PCDHGB1: variants seen among roughly 807,000 people sequenced by gnomAD.
The protein encoded by PCDHGB1 is protocadherin gamma-B1.
Under a neutral mutation model 56.6 loss-of-function variants are expected in PCDHGB1, and 34 were observed. That is an observed-to-expected ratio of 0.60 (90% CI 0.46 to 0.80). The LOEUF (loss-of-function observed/expected upper bound fraction) is 0.80. PCDHGB1 is among the 30% of genes least tolerant of loss of function. The pLI is 0.00. For missense variants in PCDHGB1, 1,278 were observed against 1,204.6 expected (o/e 1.06, Z -0.90); for synonymous variants, 561 against 505.9 (o/e 1.11, Z -1.46).
Position 141,476,369 on chromosome 5 carries a change from G to A in PCDHGB1, c.2410-18438G>A, listed in dbSNP as rs1178923246. 1.9e-6 allele frequency: 3 copies of A among 1,614,098 alleles called. No homozygotes were observed. The African/African-American group carries it at 4.0e-5, about 22-fold the overall frequency. ...CTTTGAGGTGAACCGGGAGACCGGA[G>A]AGATGTTTGTGAACGACCGTCTGGA... On this transcript the variant is annotated intron_variant, in intron 1 of 3. Transcript: ENST00000523390. This position sits in a 1 kb window ranked among gnomAD's most constrained non-coding sequence, Gnocchi z 7.6.
chr5:141,456,263 T>C (rs2098847567), intron 1 of PCDHGB1, among the ~76,000 whole-genome samples: 2 of 152,292 alleles, frequency 1.3e-5, no homozygotes, highest in South Asian at 2.1e-4. Flanking sequence ...CCATTGCTTC[T>C]GGCTACTTCC....
Position 141,376,431 on chromosome 5 carries a change from A to T in PCDHGB1, c.2409+23762A>T, listed in dbSNP as rs372723180. On this transcript the variant is annotated intron_variant, in intron 1 of 3. Coordinates refer to ENST00000523390, the MANE Select transcript of PCDHGB1 (RefSeq NM_018922.3). ...TATGCCGACACGCTTATCAACCAGG[A>T]GAGCTATGAGAAAAGCGAGCCTCTT... The T allele has an allele frequency of 9.0e-5, 145 of 1,614,074 alleles. No homozygotes were observed. The highest frequency in any genetic ancestry group is 1.2e-4 in the Non-Finnish European group (143 of 1,180,046).
intron 1 of PCDHGB1, chr5:141,408,965 C>A: frequency 3.1e-6 from 5 of 1,613,806 alleles, no homozygotes; most frequent in Non-Finnish European, 4.2e-6. Flanking sequence ...TAGTGAAAAT[C>A]TGCCCCCTGG....
At chr5:141,423,022 T>C in intron 1 of PCDHGB1, 1 of 1,614,194 alleles carries the variant, frequency 6.2e-7, no homozygotes, top group Non-Finnish European at 8.5e-7. Flanking sequence ...GGACAAAGAT[T>C]CAGGCCAGAA....
At chr5:141,488,213 C>T (rs1261280988) in intron 1 of PCDHGB1, among the ~76,000 whole-genome samples, 1 of 152,118 alleles carries the variant, frequency 6.6e-6, no homozygotes, top group Non-Finnish European at 1.5e-5. Context: ...CATATCAAGT[C>T]CCTACTGGGG....
rs201006002 is a variant in PCDHGB1, at chr5:141,432,497, C to G, written c.2410-62310C>G. Reference sequence around the variant, plus strand: ...TTCCACTGGCGTGGAGCTGGCTCCCCGCTCCGCAGAGCCCGGCTACCTGGT... The same window carrying G: ...TTCCACTGGCGTGGAGCTGGCTCCCGGCTCCGCAGAGCCCGGCTACCTGGT... On this transcript the variant is annotated intron_variant, in intron 1 of 3. Transcript: ENST00000523390. This position sits in a 1 kb window ranked among gnomAD's most constrained non-coding sequence, Gnocchi z 6.0. The G allele has an allele frequency of 1.1e-5, 18 of 1,614,182 alleles. No homozygotes were observed. In the East Asian group the frequency reaches 4.0e-4, roughly 36 times the overall value.
chr5:141,453,752 T>C (rs1404363977), intron 1 of PCDHGB1, among the ~76,000 whole-genome samples: 10 of 152,364 alleles, frequency 6.6e-5, no homozygotes, highest in Admixed American at 5.9e-4. Flanking sequence ...AACATAAGTC[T>C]CCTAAAAATA....
At chr5:141,376,310 G>T in intron 1 of PCDHGB1, 1 of 1,613,946 alleles carries the variant, frequency 6.2e-7, no homozygotes, top group Non-Finnish European at 8.5e-7. Context: ...CTTTGTGGGC[G>T]TGGAAGGGGT....
chr5:141,381,725 G>T (rs568567698), intron 1 of PCDHGB1, among the ~76,000 whole-genome samples: 1 of 151,768 alleles, frequency 6.6e-6, no homozygotes, highest in Admixed American at 6.6e-5. Flanking sequence ...AAGACTGGGA[G>T]TGAGAATATT....
At chr5:141,460,724 A>C (rs1294708205) in intron 1 of PCDHGB1, among the ~76,000 whole-genome samples, 1 of 152,114 alleles carries the variant, frequency 6.6e-6, no homozygotes, top group African/African-American at 2.4e-5. Context: ...TGTTATAAGC[A>C]TATATACACA....
chr5:141,384,959 A>G (rs771197511), intron 1 of PCDHGB1: 2 of 1,613,600 alleles, frequency 1.2e-6, no homozygotes, highest in Admixed American at 1.7e-5. Flanking sequence ...CCTTACAACT[A>G]TGACCTCACG....
At chr5:141,423,264 C>G (rs1452323474) in intron 1 of PCDHGB1, 1 of 1,613,986 alleles carries the variant, frequency 6.2e-7, no homozygotes. Flanking sequence ...TCGGCAGCCT[C>G]GAGTCTCTGG....
intron 1 of PCDHGB1, among the ~76,000 whole-genome samples, chr5:141,483,611 A>G (rs2099583566): frequency 6.6e-6 from 1 of 151,952 alleles, no homozygotes; most frequent in South Asian, 2.1e-4. Context: ...TTACACCTCC[A>G]TCATTCCCAT....
rs2098995125 is a variant in PCDHGB1 at position 141,460,673 on chromosome 5, A to G, written c.2410-34134A>G. 2.6e-5 allele frequency among the ~76,000 whole-genome samples: 4 copies of G among 152,244 alleles called. No homozygotes were observed. The South Asian group carries it at 8.3e-4, about 32-fold the overall frequency. On this transcript the variant is annotated intron_variant, in intron 1 of 3. Coordinates refer to ENST00000523390, the MANE Select transcript of PCDHGB1 (RefSeq NM_018922.3). ...CATATGTAACTGTAAACACAGTTAT[A>G]TATCTATATATCCACCAACAGTTGA... is the stretch of plus-strand genomic sequence containing the variant.
intron 1 of PCDHGB1, chr5:141,409,193 TGTAAA>T (rs2095239502): frequency 1.2e-6 from 2 of 1,613,988 alleles, no homozygotes; most frequent in African/African-American, 1.3e-5. Context: ...CTCTACCCAG[TGTAAA>T]GTAATCATAG....
In PCDHGB1 at chr5:141,476,034, C is replaced by G. The variant is rs934044974; in HGVS notation, c.2410-18773C>G. On this transcript the variant is annotated intron_variant, in intron 1 of 3. Transcript: ENST00000523390. This position sits in a 1 kb window ranked among gnomAD's most constrained non-coding sequence, Gnocchi z 7.6. ...CCATGTCGGACTCGGCGCCCAGCGC[C>G]CAAGCGCTAACCCGCTGAAAGTTTC... The G allele has an allele frequency of 2.0e-6, 3 of 1,464,488 alleles. No homozygotes were observed. Among genetic ancestry groups the G allele is most frequent in the Non-Finnish European group, 2.7e-6 (3 of 1,100,656 alleles). 90.7% of individuals were successfully genotyped at this position (1,464,488 alleles called of 1,614,324 possible). A position where few individuals can be genotyped will look rare whatever the true frequency, so the allele number is the denominator to read the frequency against.
rs2095932484 is a variant in PCDHGB1, at chr5:141,415,751, T to TG, written c.2409+63082_2409+63083insG. 3.8e-6 allele frequency: 5 copies of TG among 1,328,726 alleles called. No homozygotes were observed. The African/African-American group carries it at 9.4e-5, about 25-fold the overall frequency. The allele number at this position is 1,328,726 out of a possible 1,614,324, so 82.3% of individuals were successfully genotyped here. On this transcript the variant is annotated intron_variant, in intron 1 of 3. Transcript: ENST00000523390. ...TGATGTTTATTAAGGTTTTTTTTTT[T>TG]TTTTTTTTTTTTTTTTTTTTTACTT... is the stretch of plus-strand genomic sequence containing the variant.
chr5:141,352,309 A>C lies in PCDHGB1; in HGVS notation c.2049A>C (p.Glu683Asp). The change falls in exon 1 of 4, where the codon GAA (glutamate) becomes GAC (aspartate). Residue 683 changes from glutamate (E) to aspartate (D), a missense_variant. Physicochemically the swap from Glu to Asp is conservative, Grantham distance 45. Transcript: ENST00000523390. ...CTGAGCCCTCTGACCCCCAGACGGA[A>C]CTGCAGTTTTACCTGGTTGTGGCCT... ...DRPEPSDPQT[E>D]LQFYLVVALA... The C allele has an allele frequency of 6.2e-7, 1 of 1,613,958 alleles. No individual in the cohort carries two copies. The highest frequency in any genetic ancestry group is 2.2e-5 in the East Asian group (1 of 44,864).
intron 1 of PCDHGB1, chr5:141,422,184 A>T: frequency 6.4e-7 from 1 of 1,561,838 alleles, no homozygotes; most frequent in Non-Finnish European, 8.6e-7. Context: ...ATGAGATGGA[A>T]ATTCAAGGCC....
Sources: allele counts gnomAD v4.1 joint callset (sites outside exome capture counted in the v4.1 genomes callset), GRCh38; gene constraint gnomAD v4.1.1; non-coding constraint Gnocchi (gnomAD v3.1); transcripts MANE v1.5; gene names NCBI Gene and HGNC (gene_info 2026-07-23, HGNC 2026-07-21).